KLK9: variants seen among roughly 807,000 people sequenced by gnomAD.
The protein encoded by KLK9 is kallikrein-9.
Under a neutral mutation model 23.3 loss-of-function variants are expected in KLK9, and 26 were observed. The ratio of observed to expected loss-of-function variants is 1.12; its 90% CI spans 0.82 to 1.55. The LOEUF (loss-of-function observed/expected upper bound fraction) is 1.55, where lower values mean the gene tolerates loss of function less well. Among genes scored for constraint, KLK9 ranks in the 40% most tolerant of loss-of-function variants. The probability of loss-of-function intolerance (pLI) is 0.00; values close to 1 mark genes in which losing one functional copy is unlikely to be tolerated. For synonymous variants in KLK9, 122 were observed against 128.5 expected (o/e 0.95, Z 0.34); for missense variants, 346 against 333.7 (o/e 1.04, Z -0.29).
chr19:51,009,542 CT>C lies in KLK9; in HGVS notation c.5del (p.Lys2SerfsTer113). The C allele has an allele frequency of 6.2e-7, 1 of 1,612,816 alleles. No homozygotes were observed. The highest frequency in any genetic ancestry group is 2.2e-5 in the East Asian group (1 of 44,856). ...AGAGCAGAGCACAGAGGAGTCCCAG[CT>C]TCATGACCCCTGGGCACCTGGATCC... Reference protein sequence around the residue: MKLGLLCALLSL... With the variant: MXLGLLCALLSL... On this transcript the variant is annotated frameshift_variant, in exon 1 of 5. Coordinates refer to ENST00000594211, the MANE Select transcript of KLK9 (RefSeq NM_012315.2). LOFTEE classifies it high-confidence loss of function. The surrounding 1 kb of genome is among the most constrained non-coding windows in gnomAD (Gnocchi z 4.8).
At chr19:51,004,644 T>C (rs1328782249) in intron 3 of KLK9, among the ~76,000 whole-genome samples, 1 of 143,762 alleles carries the variant, frequency 7.0e-6, no homozygotes, top group East Asian at 2.1e-4. Flanking sequence ...GAGGTTGCAG[T>C]GAGCCGAGAT....
chr19:51,003,289 G>A (rs2122353347), intron 4 of KLK9, 29 bp from the exon 5 acceptor site: 1 of 1,600,452 alleles, frequency 6.2e-7, no homozygotes, highest in Non-Finnish European at 8.5e-7. Flanking sequence ...CAGAGGAACT[G>A]TTAGGCCACT....
In KLK9 at chr19:51,002,878, G is replaced by C; in HGVS notation, c.*233C>G. On this transcript the variant is annotated 3_prime_UTR_variant, in exon 5 of 5. Transcript: ENST00000594211. ...GGTGATGGCTGTCGGTGACGTCATA[G>C]AGACGGGCTCTGAAGGGCGTGTCCC... is the stretch of plus-strand genomic sequence containing the variant. 4.3e-6 allele frequency: 2 copies of C among 462,726 alleles called. No individual in the cohort carries two copies. The highest frequency in any genetic ancestry group is 6.8e-5 in the East Asian group (2 of 29,346). The allele number at this position is 462,726 out of a possible 1,614,324, so 28.7% of individuals were successfully genotyped here.
intron 3 of KLK9, among the ~76,000 whole-genome samples, chr19:51,004,127 G>T (rs1055942076): frequency 6.6e-6 from 1 of 151,828 alleles, no homozygotes; most frequent in Non-Finnish European, 1.5e-5. Flanking sequence ...ATCGCTTGAG[G>T]TCAGGAGTTT....
chr19:51,009,099 G>A lies in KLK9; in HGVS notation c.200+84C>T, dbSNP rs534974834. 3.2e-4 allele frequency: 458 copies of A among 1,438,498 alleles called. 2 individuals are homozygous for A. Among genetic ancestry groups the A allele is most frequent in the South Asian group, 2.4e-3 (185 of 76,408 alleles). 89.1% of individuals were successfully genotyped at this position (1,438,498 alleles called of 1,614,324 possible). A position where few individuals can be genotyped will look rare whatever the true frequency, so the allele number is the denominator to read the frequency against. On this transcript the variant is annotated intron_variant, in intron 2 of 4. Transcript: ENST00000594211. This position sits in a 1 kb window ranked among gnomAD's most constrained non-coding sequence, Gnocchi z 4.8. ...TTGTGGTATCAGAAGTGGAGGCTCC[G>A]CACTTCTGGCCTAAAGCACCCCTCA...
At chr19:51,003,347 C>T in intron 4 of KLK9, 87 bp from the exon 5 acceptor site, 1 of 1,365,028 alleles carries the variant, frequency 7.3e-7, no homozygotes. Flanking sequence ...CAGAAAGGCC[C>T]CAGCCCCTTC....
chr19:51,005,493 T>A (rs556789923), intron 3 of KLK9, among the ~76,000 whole-genome samples: 28 of 152,308 alleles, frequency 1.8e-4, no homozygotes, highest in South Asian at 6.2e-4. Flanking sequence ...ATCAGTGCTT[T>A]ATTCATGGAG....
chr19:51,003,680 A>T, intron 4 of KLK9, 24 bp downstream of exon 4: 3 of 1,596,542 alleles, frequency 1.9e-6, no homozygotes, highest in Non-Finnish European at 2.6e-6. Flanking sequence ...GGACAGCCTC[A>T]TTTTCCCCAG....
chr19:51,004,028 G>C (rs1277060477), intron 3 of KLK9, among the ~76,000 whole-genome samples, 188 bp from the exon 4 acceptor site: 1 of 152,126 alleles, frequency 6.6e-6, no homozygotes, highest in African/African-American at 2.4e-5. Context: ...ATGGAGACAA[G>C]GAGGAAGAGG....
chr19:51,003,911 C>T, intron 3 of KLK9, 71 bp from the exon 4 acceptor site: 7 of 1,348,840 alleles, frequency 5.2e-6, no homozygotes, highest in Non-Finnish European at 7.4e-6. Context: ...TGCCCTGAGT[C>T]CTCCCTGCAG....
intron 2 of KLK9, among the ~76,000 whole-genome samples, chr19:51,008,088 T>C (rs1055166570): frequency 1.3e-5 from 2 of 150,658 alleles, no homozygotes; most frequent in Admixed American, 1.3e-4. Flanking sequence ...CCCAGCACTT[T>C]GGGAGGCCGA....
Position 51,002,990 on chromosome 19 carries a change from G to T in KLK9, c.*121C>A. On this transcript the variant is annotated 3_prime_UTR_variant, in exon 5 of 5. Coordinates refer to ENST00000594211, the MANE Select transcript of KLK9 (RefSeq NM_012315.2). ...GGGGCGGAGTCTTAGTGTCCAGAGG[G>T]GAGTCAGGGCAGCTGGAGGTCCAGG... The T allele has an allele frequency of 8.2e-7, 1 of 1,213,512 alleles. No homozygotes were observed. The highest frequency in any genetic ancestry group is 1.1e-6 in the Non-Finnish European group (1 of 879,140). The allele number at this position is 1,213,512 out of a possible 1,614,324, so 75.2% of individuals were successfully genotyped here.
chr19:51,006,780 C>T lies in KLK9; in HGVS notation c.201-57G>A. 2.7e-6 allele frequency: 4 copies of T among 1,483,462 alleles called. No homozygotes were observed. The highest frequency in any genetic ancestry group is 3.6e-6 in the Non-Finnish European group (4 of 1,113,576). 91.9% of individuals were successfully genotyped at this position (1,483,462 alleles called of 1,614,324 possible). ...GGGAAAGGTAAAAGTCCTTTCAGCC[C>T]CAGCCCTCTTTTCCTGTCCATCAGG... is the stretch of plus-strand genomic sequence containing the variant. On this transcript the variant is annotated intron_variant, in intron 2 of 4. Coordinates refer to ENST00000594211, the MANE Select transcript of KLK9 (RefSeq NM_012315.2). The surrounding 1 kb of genome is among the most constrained non-coding windows in gnomAD (Gnocchi z 4.1).
At position 51,006,340 on chromosome 19, in the gene KLK9, CAGAT is replaced by C. The variant is rs2091255387; in HGVS notation, c.466+114_466+117del. Reference sequence around the variant, plus strand: ...ATATTTGGTTAAATATATCGATTGGCAGATAGATAGACTGACAGAGAGAGAGAGG... The same window carrying C: ...ATATTTGGTTAAATATATCGATTGGCAGATAGACTGACAGAGAGAGAGAGG... On this transcript the variant is annotated intron_variant, in intron 3 of 4. Transcript: ENST00000594211. The surrounding 1 kb of genome is among the most constrained non-coding windows in gnomAD (Gnocchi z 4.1). 7.0e-6 allele frequency: 7 copies of C among 1,000,340 alleles called. No homozygotes were observed. Among genetic ancestry groups the C allele is most frequent in the African/African-American group, 1.6e-5 (1 of 61,282 alleles). The allele number at this position is 1,000,340 out of a possible 1,614,324, so 62.0% of individuals were successfully genotyped here.
At position 51,009,338 on chromosome 19, in the gene KLK9, C is replaced by A. The variant is rs746847427; in HGVS notation, c.45G>T (p.Gly15=). The change falls in exon 2 of 5, where the codon GGG becomes GGT. Residue 15 remains glycine, a splice_region_variant and synonymous_variant. Transcript: ENST00000594211. This position sits in a 1 kb window ranked among gnomAD's most constrained non-coding sequence, Gnocchi z 4.8. ...LLCALLSLLA[G]HGWADTRAIG... ...TGGCACGGGTGTCTGCCCAGCCATG[C>A]CCTGGGGTGGGGATGAGGGACAAAG... The A allele has an allele frequency of 2.2e-5, 34 of 1,578,548 alleles. No individual in the cohort carries two copies. Among genetic ancestry groups the A allele is most frequent in the Non-Finnish European group, 2.7e-5 (31 of 1,161,582 alleles).
chr19:51,002,963 CA>C lies in KLK9; in HGVS notation c.*147del. The stretch of plus-strand genomic sequence containing the variant: ...TTGACCTCGTGAGGGGGCGGAGCCT[CA>C]GGGGCGGAGTCTTAGTGTCCAGAGG... On this transcript the variant is annotated 3_prime_UTR_variant, in exon 5 of 5. Transcript: ENST00000594211. 1.0e-6 allele frequency: 1 copy of C among 973,936 alleles called. No individual in the cohort carries two copies. Among genetic ancestry groups the C allele is most frequent in the Non-Finnish European group, 1.5e-6 (1 of 672,460 alleles). 60.3% of individuals were successfully genotyped at this position (973,936 alleles called of 1,614,324 possible).
At chr19:51,007,685 A>T (rs879371715) in intron 2 of KLK9, among the ~76,000 whole-genome samples, 4 of 151,920 alleles carry the variant, frequency 2.6e-5, no homozygotes, top group African/African-American at 4.8e-5. Flanking sequence ...GCAATGCATG[A>T]TGGGAAATTC....
At position 51,009,045 on chromosome 19, in the gene KLK9, G is replaced by T; in HGVS notation, c.200+138C>A. On this transcript the variant is annotated intron_variant, in intron 2 of 4. Transcript: ENST00000594211. This position sits in a 1 kb window ranked among gnomAD's most constrained non-coding sequence, Gnocchi z 4.8. ...TCTCTAGAATTTTAGGATTTGGGAGGCTACCCTTCCTACTTCTAAGAGTTG... is the reference window on the plus strand; with the variant it reads ...TCTCTAGAATTTTAGGATTTGGGAGTCTACCCTTCCTACTTCTAAGAGTTG... 1 of 965,344 alleles carries T rather than the reference G, an allele frequency of 1.0e-6. No individual in the cohort carries two copies. Among genetic ancestry groups the T allele is most frequent in the Non-Finnish European group, 1.5e-6 (1 of 681,290 alleles). The allele number at this position is 965,344 out of a possible 1,614,324, so 59.8% of individuals were successfully genotyped here.
intron 2 of KLK9, among the ~76,000 whole-genome samples, chr19:51,007,235 G>T (rs2091259296): frequency 2.6e-5 from 4 of 151,908 alleles, no homozygotes; most frequent in Admixed American, 2.6e-4. Context: ...TCTGGCCTCA[G>T]CTTTTCCTGT....
Sources: allele counts gnomAD v4.1 joint callset (sites outside exome capture counted in the v4.1 genomes callset), GRCh38; gene constraint gnomAD v4.1.1; non-coding constraint Gnocchi (gnomAD v3.1); transcripts MANE v1.5; gene names NCBI Gene and HGNC (gene_info 2026-07-23, HGNC 2026-07-21).